The following TMC5 variants were observed in gnomAD, a reference collection of about 807,000 sequenced individuals.
TMC5 encodes the protein transmembrane channel-like protein 5.
In TMC5, 86 loss-of-function variants were observed where a neutral mutation model predicts 110.5. The observed-to-expected ratio is 0.78, with a 90% CI of 0.65 to 0.93. TMC5 has a LOEUF of 0.93. Among genes scored for constraint, TMC5 ranks in the 40% least tolerant of loss-of-function variants. TMC5 has a pLI of 0.00. For missense variants in TMC5, 1,144 were observed against 1,222.8 expected (o/e 0.94, Z 0.96); for synonymous variants, 455 against 439.5 (o/e 1.04, Z -0.44).
chr16:19,412,167 C>T (rs910338814), intron 1 of TMC5, among the ~76,000 whole-genome samples: 2 of 149,500 alleles, frequency 1.3e-5, no homozygotes, highest in East Asian at 4.0e-4. Flanking sequence ...ACCTCCCAGG[C>T]TCAGGCGATC....
Position 19,498,039 on chromosome 16 carries a change from C to T in TMC5, c.*73C>T, listed in dbSNP as rs776849629. 6.9e-7 allele frequency: 1 copy of T among 1,458,288 alleles called. No individual in the cohort carries two copies. Among genetic ancestry groups the T allele is most frequent in the Admixed American group, 1.7e-5 (1 of 59,642 alleles). 90.3% of individuals were successfully genotyped at this position (1,458,288 alleles called of 1,614,324 possible). ...AAATGGAATGATTTCTTCCATGCCA[C>T]CTGTGCCTTTAGGAACTGCCCAGAA... On this transcript the variant is annotated 3_prime_UTR_variant, in exon 22 of 22. Transcript: ENST00000542583.
intron 1 of TMC5, among the ~76,000 whole-genome samples, chr16:19,411,814 G>T (rs1245782185): frequency 6.6e-6 from 1 of 152,194 alleles, no homozygotes; most frequent in African/African-American, 2.4e-5. Flanking sequence ...TGAATAAGGG[G>T]CATGTGTTAC....
chr16:19,410,997 A>C (rs9935123), exon 1 of TMC5: 1 of 152,306 alleles, frequency 6.6e-6, no homozygotes, highest in African/African-American at 2.4e-5. Context: ...ATTGGGGAGC[A>C]CGTGGAGGGG....
intron 5 of TMC5, among the ~76,000 whole-genome samples, chr16:19,455,969 A>G (rs1231491249): frequency 6.6e-6 from 1 of 152,152 alleles, no homozygotes; most frequent in Non-Finnish European, 1.5e-5. Context: ...GCACTTTGGG[A>G]GGCCGAGGCA....
At chr16:19,456,637 G>A (rs189794008) in intron 5 of TMC5, 31 of 1,547,160 alleles carry the variant, frequency 2.0e-5, no homozygotes, top group Middle Eastern at 1.9e-4. Context: ...CAATCAATGC[G>A]GGTGTGACTG....
At chr16:19,462,254 GCTGTTTTGTT>G (rs1343620266) in intron 6 of TMC5, among the ~76,000 whole-genome samples, 3 of 152,142 alleles carry the variant, frequency 2.0e-5, no homozygotes, top group Non-Finnish European at 2.9e-5. Flanking sequence ...TGTTGTGGGG[GCTGTTTTGTT>G]CATTGTAGGG....
chr16:19,460,280 G>C lies in TMC5; in HGVS notation c.1094G>C (p.Arg365Thr). The C allele has an allele frequency of 6.2e-7, 1 of 1,613,854 alleles. No individual in the cohort carries two copies. Among genetic ancestry groups the C allele is most frequent in the Non-Finnish European group, 8.5e-7 (1 of 1,179,844 alleles). ...CTTATACCCATGACATCCAGAGACAGAATTAAAGCCATCAGGAACCAGCCA... is the reference window on the plus strand; with the variant it reads ...CTTATACCCATGACATCCAGAGACACAATTAAAGCCATCAGGAACCAGCCA... The part of the protein sequence containing the change: ...ASLIPMTSRD[R>T]IKAIRNQPRT... The change falls in exon 6 of 22, where the codon AGA becomes ACA. Residue 365 changes from arginine to threonine, a missense_variant. Arg to Thr is a moderately conservative substitution (Grantham distance 71). Transcript: ENST00000542583.
intron 15 of TMC5, among the ~76,000 whole-genome samples, chr16:19,482,615 C>A (rs530934990): frequency 6.6e-6 from 1 of 152,214 alleles, no homozygotes; most frequent in East Asian, 1.9e-4. Flanking sequence ...TGTTTCAATG[C>A]AAACTTTACT....
intron 14 of TMC5, among the ~76,000 whole-genome samples, chr16:19,481,122 A>G (rs1419974910): frequency 6.6e-6 from 1 of 152,154 alleles, no homozygotes; most frequent in Non-Finnish European, 1.5e-5. Flanking sequence ...TATTCTCTAG[A>G]ATTTTTTAAA....
intron 9 of TMC5, among the ~76,000 whole-genome samples, chr16:19,466,603 C>T (rs1244146147): frequency 2.6e-5 from 4 of 152,338 alleles, no homozygotes; most frequent in South Asian, 2.1e-4. Flanking sequence ...CCACCCGCCT[C>T]GGCCTCCCAT....
intron 9 of TMC5, among the ~76,000 whole-genome samples, chr16:19,469,389 A>G (rs963546562): frequency 6.6e-6 from 1 of 151,384 alleles, no homozygotes; most frequent in African/African-American, 2.4e-5. Context: ...GGTGAGTTTT[A>G]TTGTTATTCC....
chr16:19,411,726 T>C (rs966819503), intron 1 of TMC5: 7 of 151,354 alleles, frequency 4.6e-5, no homozygotes, highest in African/African-American at 1.5e-4. Context: ...TCCAGAAGGG[T>C]AGGATTTTTT....
intron 1 of TMC5, among the ~76,000 whole-genome samples, chr16:19,418,967 G>T (rs957545893): frequency 4.6e-5 from 7 of 152,118 alleles, no homozygotes; most frequent in African/African-American, 1.4e-4. Flanking sequence ...AAGCTCAAGC[G>T]ATCCTTCTGC....
intron 20 of TMC5, among the ~76,000 whole-genome samples, chr16:19,495,902 G>C (rs973678518): frequency 9.9e-5 from 15 of 152,054 alleles, no homozygotes; most frequent in Admixed American, 1.3e-4. Flanking sequence ...GGGAGGCCGA[G>C]GCGGGCTTAT....
chr16:19,470,768 T>TCATG (rs1454317290), intron 10 of TMC5, among the ~76,000 whole-genome samples: 1 of 133,304 alleles, frequency 7.5e-6, no homozygotes, highest in Admixed American at 8.2e-5. Context: ...GCATGGTGGC[T>TCATG]CATGCCTCTA....
intron 5 of TMC5, among the ~76,000 whole-genome samples, chr16:19,454,666 T>G (rs1356610252): frequency 6.6e-6 from 1 of 152,170 alleles, no homozygotes; most frequent in Non-Finnish European, 1.5e-5. Flanking sequence ...TTAATGAAAG[T>G]GTGATGAGGA....
At chr16:19,456,385 T>C in intron 5 of TMC5, 1 of 900,812 alleles carries the variant, frequency 1.1e-6, no homozygotes, top group Non-Finnish European at 1.4e-6. Context: ...ATCTTCCTTC[T>C]GTTTCTAGAA....
At chr16:19,469,138 G>T (rs1003159096) in intron 9 of TMC5, among the ~76,000 whole-genome samples, 1 of 152,178 alleles carries the variant, frequency 6.6e-6, no homozygotes, top group Non-Finnish European at 1.5e-5. Context: ...TGGATTACTT[G>T]AGGTCAGGAG....
At chr16:19,416,370 C>G (rs1966877474), upstream of TMC5, among the ~76,000 whole-genome samples, 1 of 152,208 alleles carries the variant, frequency 6.6e-6, no homozygotes, top group Non-Finnish European at 1.5e-5. Context: ...CCTCAATTGT[C>G]TACCTCCTTC....
Sources: gnomAD v4.1 joint callset for allele counts (sites outside exome capture counted in the v4.1 genomes callset) on GRCh38, gnomAD v4.1.1 for gene constraint, MANE v1.5 for transcripts, NCBI Gene and HGNC (gene_info 2026-07-23, HGNC 2026-07-21) for gene names.